The following TMEM108 variants were observed in gnomAD, a reference collection of about 807,000 sequenced individuals.
TMEM108 encodes transmembrane protein 108.
In TMEM108, 12 loss-of-function variants were observed where a neutral mutation model predicts 35.1. That is an observed-to-expected ratio of 0.34 (90% confidence interval 0.22 to 0.55). The LOEUF (loss-of-function observed/expected upper bound fraction) is 0.55. Ranked by LOEUF, TMEM108 falls within the 20% of genes least tolerant of loss-of-function variation. The pLI is 0.89. For synonymous variants in TMEM108, 287 were observed against 308.6 expected (o/e 0.93, Z 0.73); for missense variants, 680 against 753.3 (o/e 0.90, Z 1.14).
chr3:133,289,779 A>C (rs568669635), intron 3 of TMEM108, among the ~76,000 whole-genome samples: 1 of 152,298 alleles, frequency 6.6e-6, no homozygotes, highest in South Asian at 2.1e-4. Flanking sequence ...TAAATTTTTA[A>C]GTTTTTTGGA....
rs1946043772 is a variant in TMEM108, at chr3:133,224,778, G to A, written c.-46-4488G>A. 2.0e-5 allele frequency among the ~76,000 whole-genome samples: 3 copies of A among 152,056 alleles called. No homozygotes were observed. The South Asian group carries it at 6.2e-4, about 32-fold the overall frequency. On this transcript the variant is annotated intron_variant, in intron 2 of 5. Coordinates refer to ENST00000321871, the MANE Select transcript of TMEM108 (RefSeq NM_023943.4). Reference sequence around the variant, plus strand: ...GTATGTCTTTATCAGCAACATGAAAGCAGACTAATACATATATAGTGTATA... The same window carrying A: ...GTATGTCTTTATCAGCAACATGAAAACAGACTAATACATATATAGTGTATA...
chr3:133,154,554 C>G (rs1336329262), intron 2 of TMEM108, among the ~76,000 whole-genome samples: 1 of 152,138 alleles, frequency 6.6e-6, no homozygotes, highest in Non-Finnish European at 1.5e-5. Flanking sequence ...AGTTTATGTC[C>G]TTTGTAGGGA....
chr3:133,043,570 A>G (rs1037436846), intron 1 of TMEM108, among the ~76,000 whole-genome samples: 7 of 152,054 alleles, frequency 4.6e-5, no homozygotes, highest in Admixed American at 4.6e-4. Context: ...AACACTTTCA[A>G]ATTCATGTTG....
chr3:133,159,708 C>A (rs759460484), intron 2 of TMEM108, among the ~76,000 whole-genome samples: 1 of 152,130 alleles, frequency 6.6e-6, no homozygotes, highest in Non-Finnish European at 1.5e-5. Flanking sequence ...GTCACAGAGA[C>A]GTTAAATGAC....
At chr3:133,387,745 T>C (rs2073174146) in intron 4 of TMEM108, 1 of 822,746 alleles carries the variant, frequency 1.2e-6, no homozygotes, top group South Asian at 5.6e-5. Context: ...GCATTTAATC[T>C]TCCCAAGGAA....
chr3:133,099,034 G>A (rs184256811), intron 2 of TMEM108, among the ~76,000 whole-genome samples: 2 of 152,272 alleles, frequency 1.3e-5, no homozygotes, highest in East Asian at 1.9e-4. Context: ...CAGCACTGCC[G>A]TAGCAAAGGT....
intron 2 of TMEM108, among the ~76,000 whole-genome samples, chr3:133,182,207 C>T (rs187887261): frequency 3.3e-5 from 5 of 152,172 alleles, no homozygotes; most frequent in East Asian, 3.9e-4. Context: ...AGTGGTAGAT[C>T]GATTAACCAG....
chr3:133,048,563 G>A (rs1478079120), intron 2 of TMEM108, among the ~76,000 whole-genome samples: 1 of 152,146 alleles, frequency 6.6e-6, no homozygotes. Context: ...CTAAAACAAG[G>A]CCAGTGCAGG....
chr3:133,155,295 A>G (rs1019527914), intron 2 of TMEM108, among the ~76,000 whole-genome samples: 1 of 152,270 alleles, frequency 6.6e-6, no homozygotes, highest in East Asian at 1.9e-4. Flanking sequence ...TGTCTTTGCT[A>G]TTGTGAGTAG....
At chr3:133,242,307 G>A (rs1379584896) in intron 3 of TMEM108, among the ~76,000 whole-genome samples, 1 of 152,154 alleles carries the variant, frequency 6.6e-6, no homozygotes, top group Non-Finnish European at 1.5e-5. Context: ...ATTAATATAT[G>A]ACACACTTAG....
At chr3:133,199,379 T>A (rs1945626689) in intron 2 of TMEM108, among the ~76,000 whole-genome samples, 1 of 152,212 alleles carries the variant, frequency 6.6e-6, no homozygotes, top group South Asian at 2.1e-4. Context: ...TTTAGAATTT[T>A]CAGCTTTTCT....
Position 133,042,241 on chromosome 3 carries a change from A to G in TMEM108, c.-165-3661A>G, listed in dbSNP as rs116597303. ...GTATAGGATGCTACCTCTAGGTGCA[A>G]TTACCCCAGTCACCTGCTGCTTTGT... is the stretch of plus-strand genomic sequence containing the variant. On this transcript the variant is annotated intron_variant, in intron 1 of 5. Transcript: ENST00000321871. Among the ~76,000 whole-genome samples the G allele has an allele frequency of 6.8e-3, 1,041 of 152,232 alleles. 14 individuals carry two copies. Among genetic ancestry groups the G allele is most frequent in the African/African-American group, 0.023 (976 of 41,538 alleles).
intron 2 of TMEM108, among the ~76,000 whole-genome samples, chr3:133,047,114 G>A (rs1392955295): frequency 6.6e-6 from 1 of 152,132 alleles, no homozygotes; most frequent in Non-Finnish European, 1.5e-5. Flanking sequence ...TGGAGATAAA[G>A]CAAAGAAAGG....
intron 2 of TMEM108, among the ~76,000 whole-genome samples, chr3:133,170,570 C>T (rs543429547): frequency 3.9e-5 from 6 of 152,300 alleles, no homozygotes; most frequent in African/African-American, 1.4e-4. Flanking sequence ...TTAACACACT[C>T]TAAGACATCA....
At position 133,397,453 on chromosome 3, in the gene TMEM108, G is replaced by C. The variant is rs1352384823; in HGVS notation, c.*1467G>C. On this transcript the variant is annotated 3_prime_UTR_variant, in exon 6 of 6. Coordinates refer to ENST00000321871, the MANE Select transcript of TMEM108 (RefSeq NM_023943.4). ...AATGTTGTATGAACCTCCTTCACAT[G>C]AGTTCGGTTGTTGTCTCTCTTCAAA... The C allele has an allele frequency of 6.6e-6, 1 of 150,522 alleles. No homozygotes were observed. The highest frequency in any genetic ancestry group is 1.5e-5 in the Non-Finnish European group (1 of 67,860). The allele number at this position is 150,522 out of a possible 1,614,324, so 9.3% of individuals were successfully genotyped here.
intron 2 of TMEM108, among the ~76,000 whole-genome samples, chr3:133,145,749 T>C (rs1944710208): frequency 6.6e-6 from 1 of 152,170 alleles, no homozygotes; most frequent in Non-Finnish European, 1.5e-5. Context: ...AGTTCACTCA[T>C]GATTTGGCTC....
intron 2 of TMEM108, among the ~76,000 whole-genome samples, chr3:133,065,293 C>G (rs1324210296): frequency 6.6e-6 from 1 of 151,972 alleles, no homozygotes; most frequent in East Asian, 1.9e-4. Context: ...GCCACACACA[C>G]ACACACACAC....
At chr3:133,134,165 T>C (rs1235279047) in intron 2 of TMEM108, among the ~76,000 whole-genome samples, 1 of 151,994 alleles carries the variant, frequency 6.6e-6, no homozygotes, top group Non-Finnish European at 1.5e-5. Flanking sequence ...TAGTTATCTT[T>C]TAAAAATATA....
chr3:133,137,537 A>G (rs1215065720), intron 2 of TMEM108, among the ~76,000 whole-genome samples: 3 of 152,208 alleles, frequency 2.0e-5, no homozygotes, highest in South Asian at 2.1e-4. Flanking sequence ...TCCACGGTGC[A>G]GCAGCCAGCC....
Sources: allele counts gnomAD v4.1 joint callset (sites outside exome capture counted in the v4.1 genomes callset), GRCh38; gene constraint gnomAD v4.1.1; transcripts MANE v1.5; gene names NCBI Gene and HGNC (gene_info 2026-07-23, HGNC 2026-07-21).